Variants in SSUH2 observed in about 807,000 individuals in gnomAD.
SSUH2 encodes ssu-2 homolog, also known as protein SSUH2 homolog.
Under a neutral mutation model 55.3 loss-of-function variants are expected in SSUH2, and 47 were observed. The observed-to-expected ratio is 0.85, with a 90% CI of 0.67 to 1.08. The LOEUF (loss-of-function observed/expected upper bound fraction) is 1.08, where lower values mean the gene tolerates loss of function less well. Ranked by LOEUF, SSUH2 falls within the 50% of genes least tolerant of loss-of-function variation. SSUH2 has a pLI of 0.00. For synonymous variants in SSUH2, 212 were observed against 191.5 expected, an observed-to-expected ratio of 1.11 and a Z score of -0.89; for missense variants, 535 against 490.7, an observed-to-expected ratio of 1.09 and a Z score of -0.85.
intron 1 of SSUH2, among the ~76,000 whole-genome samples, chr3:8,643,423 A>G (rs1311658425): frequency 6.6e-6 from 1 of 152,220 alleles, no homozygotes; most frequent in Non-Finnish European, 1.5e-5. Context: ...AAAAGATTGC[A>G]TTAGAATGTT....
upstream of SSUH2, among the ~76,000 whole-genome samples, chr3:8,645,184 G>C (rs943196399): frequency 1.3e-5 from 2 of 152,186 alleles, no homozygotes; most frequent in Non-Finnish European, 2.9e-5. Flanking sequence ...TGCAGAAAAA[G>C]GTCATAACCA....
intron 5 of SSUH2, among the ~76,000 whole-genome samples, chr3:8,664,712 C>T (rs1010387529): frequency 6.6e-6 from 1 of 152,224 alleles, no homozygotes; most frequent in African/African-American, 2.4e-5. Flanking sequence ...TTGACATCCT[C>T]ACCATGCTGC....
intron 1 of SSUH2, among the ~76,000 whole-genome samples, chr3:8,680,644 G>C (rs780245299): frequency 3.3e-5 from 5 of 151,944 alleles, no homozygotes; most frequent in Non-Finnish European, 7.4e-5. Context: ...TTCCCTCCAG[G>C]ATCGTGGGTA....
chr3:8,646,020 G>T (rs948079453), upstream of SSUH2, among the ~76,000 whole-genome samples: 1 of 152,154 alleles, frequency 6.6e-6, no homozygotes, highest in African/African-American at 2.4e-5. Context: ...TCATTACTGT[G>T]TATACACAAG....
At chr3:8,678,195 C>T (rs755677606) in intron 2 of SSUH2, among the ~76,000 whole-genome samples, 2 of 152,042 alleles carry the variant, frequency 1.3e-5, no homozygotes, top group Admixed American at 6.5e-5. Context: ...ATATCACCCC[C>T]TCCGCCTTGG....
At position 8,623,675 on chromosome 3, in the gene SSUH2, G is replaced by C. The variant is rs370644038; in HGVS notation, c.874-19C>G. On this transcript the variant is annotated intron_variant, in intron 10 of 11. Coordinates refer to ENST00000544814, the MANE Select transcript of SSUH2 (RefSeq NM_001256748.3). ...GGTACACCTGGGGGAAAGAGAGAGA[G>C]ACACAGACCACCTGGCTGCCGCACC... The C allele has an allele frequency of 1.5e-6, 2 of 1,327,230 alleles. No individual in the cohort carries two copies. Among genetic ancestry groups the C allele is most frequent in the South Asian group, 1.4e-5 (1 of 73,788 alleles). 82.2% of individuals were successfully genotyped at this position (1,327,230 alleles called of 1,614,324 possible).
chr3:8,678,905 C>A lies in SSUH2; in HGVS notation c.-901+800G>T, dbSNP rs1471241538. ...CCCCATTGCAAGGGAGGGAGGCACC[C>A]CCCGCCAGGCGGGGACTGAGAGCCA... On this transcript the variant is annotated intron_variant, in intron 2 of 18. Transcript: ENST00000317371. 2.6e-5 allele frequency among the ~76,000 whole-genome samples: 3 copies of A among 116,244 alleles called. 1 individual carries two copies. Among genetic ancestry groups the A allele is most frequent in the African/African-American group, 8.8e-5 (3 of 34,262 alleles). The allele number at this position is 116,244 out of a possible 152,430, so 76.3% of individuals were successfully genotyped here. A position where few individuals can be genotyped will look rare whatever the true frequency, so the allele number is the denominator to read the frequency against.
At chr3:8,630,705 G>T in intron 6 of SSUH2, 100 bp downstream of exon 6, 1 of 1,168,524 alleles carries the variant, frequency 8.6e-7, no homozygotes, top group Non-Finnish European at 1.1e-6. Context: ...CCTGAATTTT[G>T]GGTTTCCCTT....
At chr3:8,634,624 C>T in intron 3 of SSUH2, 1 of 1,274,192 alleles carries the variant, frequency 7.8e-7, no homozygotes. Context: ...GAGATGACTC[C>T]CCGGAGGAAG....
chr3:8,651,485 A>C (rs1702404018), intron 7 of SSUH2, among the ~76,000 whole-genome samples: 1 of 152,156 alleles, frequency 6.6e-6, no homozygotes, highest in Non-Finnish European at 1.5e-5. Flanking sequence ...CTCCATGACA[A>C]ATACACTTTG....
rs546768292 is a variant in SSUH2 at position 8,639,861 on chromosome 3, G to A, written c.29-4004C>T. ...CCTTTTGGACAGGGGCCCCTGTCTC[G>A]TATAAGAAAGGAATGGCATTCAACA... On this transcript the variant is annotated intron_variant, in intron 1 of 11. Coordinates refer to ENST00000544814, the MANE Select transcript of SSUH2 (RefSeq NM_001256748.3). 1.2e-4 allele frequency: 87 copies of A among 727,148 alleles called. No homozygotes were observed. In the South Asian group the frequency reaches 2.3e-3, roughly 19 times the overall value. The allele number at this position is 727,148 out of a possible 1,614,324, so 45.0% of individuals were successfully genotyped here.
chr3:8,630,447 A>G (rs9818195), intron 6 of SSUH2, among the ~76,000 whole-genome samples: 20,308 of 152,168 alleles, frequency 0.13, 3,817 homozygotes, highest in African/African-American at 0.43. Flanking sequence ...TTAAGTTTTT[A>G]TTTTATATCA....
intron 10 of SSUH2, 64 bp downstream of exon 10, chr3:8,625,478 C>A: frequency 9.9e-7 from 1 of 1,014,454 alleles, no homozygotes; most frequent in East Asian, 2.4e-5. Context: ...GCTAGCAGCC[C>A]CAGGCCCACG....
At chr3:8,680,915 G>C (rs374117196) in intron 1 of SSUH2, among the ~76,000 whole-genome samples, 2 of 152,086 alleles carry the variant, frequency 1.3e-5, no homozygotes, top group South Asian at 2.1e-4. Context: ...ATAACAATTT[G>C]ACAGGCTGGG....
chr3:8,669,424 C>G (rs1191142589), intron 5 of SSUH2, among the ~76,000 whole-genome samples: 1 of 152,132 alleles, frequency 6.6e-6, no homozygotes, highest in African/African-American at 2.4e-5. Context: ...AGTAGACAAA[C>G]TTTATCAGAG....
chr3:8,623,625 T>C lies in SSUH2; in HGVS notation c.905A>G (p.Asp302Gly), dbSNP rs1464241949. Residue 302 changes from aspartate to glycine, a missense_variant, in exon 11 of 12, where the codon GAC becomes GGC. Physicochemically the swap from Asp to Gly is moderately conservative, Grantham distance 94. Coordinates refer to ENST00000544814, the MANE Select transcript of SSUH2 (RefSeq NM_001256748.3). The part of the protein sequence containing the change: ...VYPIVDFPLR[D>G]ISLASQRGIA... The stretch of plus-strand genomic sequence containing the variant: ...GCCCCTCTGGGAGGCAAGAGAGATG[T>C]CTCGCAGAGGGAAGTCCACGATGGG... 6.5e-7 allele frequency: 1 copy of C among 1,542,056 alleles called. No individual in the cohort carries two copies. The highest frequency in any genetic ancestry group is 8.8e-7 in the Non-Finnish European group (1 of 1,139,750).
At chr3:8,662,649 C>G (rs570930026) in intron 6 of SSUH2, among the ~76,000 whole-genome samples, 1 of 152,210 alleles carries the variant, frequency 6.6e-6, no homozygotes, top group South Asian at 2.1e-4. Flanking sequence ...ACCAGAAAAG[C>G]CTGGCCCTAC....
At chr3:8,656,791 G>A (rs924146732) in intron 7 of SSUH2, among the ~76,000 whole-genome samples, 2 of 152,210 alleles carry the variant, frequency 1.3e-5, no homozygotes, top group Admixed American at 6.5e-5. Context: ...GGATTTGAAT[G>A]TGGGTTTTTC....
intron 3 of SSUH2, chr3:8,672,137 G>A (rs986033871): frequency 6.6e-6 from 1 of 152,014 alleles, no homozygotes; most frequent in Non-Finnish European, 1.5e-5. Flanking sequence ...TATCACTGGG[G>A]GCGTGTCCAC....
Sources: allele counts gnomAD v4.1 joint callset (sites outside exome capture counted in the v4.1 genomes callset), GRCh38; gene constraint gnomAD v4.1.1; transcripts MANE v1.5; gene names NCBI Gene and HGNC (gene_info 2026-07-23, HGNC 2026-07-21).